NAALAD2: variants seen among roughly 807,000 people sequenced by gnomAD.
NAALAD2 encodes N-acetylated-alpha-linked acidic dipeptidase 2.
Under a neutral mutation model 95.6 loss-of-function variants are expected in NAALAD2, and 89 were observed. The observed-to-expected ratio is 0.93, with a 90% CI of 0.78 to 1.11. The LOEUF is 1.11. Ranked by LOEUF, NAALAD2 falls within the 50% of genes least tolerant of loss-of-function variation. NAALAD2 has a pLI of 0.00. For synonymous variants in NAALAD2, 264 were observed against 294.4 expected (o/e 0.90, Z 1.06); for missense variants, 894 against 872.4 (o/e 1.02, Z -0.31).
At chr11:90,163,088 G>C in intron 9 of NAALAD2, 54 bp downstream of exon 9, 2 of 1,370,896 alleles carry the variant, frequency 1.5e-6, no homozygotes, top group South Asian at 2.7e-5. Flanking sequence ...TAAAGGGTAA[G>C]TAAAGATAAA....
At chr11:90,167,239 G>C (rs982338024) in intron 11 of NAALAD2, among the ~76,000 whole-genome samples, 1 of 152,184 alleles carries the variant, frequency 6.6e-6, no homozygotes. Context: ...GCGGCCCAGC[G>C]AGAGTTCCGG....
At chr11:90,146,949 A>G (rs983257684) in intron 2 of NAALAD2, among the ~76,000 whole-genome samples, 10 of 152,216 alleles carry the variant, frequency 6.6e-5, no homozygotes, top group African/African-American at 2.4e-4. Context: ...GAAGTGCCCA[A>G]GTGGTCCCTG....
At chr11:90,136,228 TGG>T (rs1287656557) in intron 2 of NAALAD2, among the ~76,000 whole-genome samples, 1 of 152,054 alleles carries the variant, frequency 6.6e-6, no homozygotes, top group Non-Finnish European at 1.5e-5. Flanking sequence ...TTAAGAACAA[TGG>T]CCATGGTATT....
At chr11:90,168,441 T>C (rs1245300722) in intron 11 of NAALAD2, among the ~76,000 whole-genome samples, 2 of 152,124 alleles carry the variant, frequency 1.3e-5, no homozygotes, top group Admixed American at 1.3e-4. Context: ...TGGGAGGCCG[T>C]GGTTGCAGTG....
At chr11:90,161,416 T>C (rs78068365) in intron 8 of NAALAD2, among the ~76,000 whole-genome samples, 2,136 of 152,288 alleles carry the variant, frequency 0.014, 55 homozygotes, top group African/African-American at 0.049. Context: ...AATTTTTCCT[T>C]ACAGGATTAT....
chr11:90,177,890 C>G lies in NAALAD2; in HGVS notation c.1631C>G (p.Thr544Arg). The G allele has an allele frequency of 6.2e-7, 1 of 1,613,504 alleles. No homozygotes were observed. The highest frequency in any genetic ancestry group is 2.2e-5 in the East Asian group (1 of 44,792). The stretch of plus-strand genomic sequence containing the variant: ...TACAGCAGCTACCCAGTGTACCACA[C>G]AATTTATGAGACATTTGAATTGGTA... ...DKYSSYPVYH[T>R]IYETFELVEK... The change falls in exon 16 of 19, where the codon ACA (threonine) becomes AGA (arginine). Residue 544 changes from threonine (T) to arginine (R), a missense_variant. Transcript: ENST00000534061.
chr11:90,170,185 G>A (rs368213799), intron 13 of NAALAD2, 49 bp downstream of exon 13: 1 of 1,086,694 alleles, frequency 9.2e-7, no homozygotes, highest in Non-Finnish European at 1.4e-6. Context: ...ATGGATAAAT[G>A]AATAACGTGT....
chr11:90,162,872 A>G, intron 8 of NAALAD2, 77 bp from the exon 9 acceptor site: 2 of 815,428 alleles, frequency 2.5e-6, no homozygotes, highest in South Asian at 3.4e-5. Flanking sequence ...ACTATTATGA[A>G]AATAGTTTTT....
chr11:90,158,476 G>T, intron 7 of NAALAD2: 1 of 395,492 alleles, frequency 2.5e-6, no homozygotes, highest in Non-Finnish European at 4.5e-6. Flanking sequence ...CAAATACAAA[G>T]CTATGTCCTA....
intron 13 of NAALAD2, among the ~76,000 whole-genome samples, chr11:90,173,103 T>A (rs1952687659): frequency 6.6e-6 from 1 of 152,168 alleles, no homozygotes. Flanking sequence ...CACATGTCTC[T>A]GCTCTTCTTA....
rs185324916 is a variant in NAALAD2 at position 90,172,262 on chromosome 11, G to A, written c.1411-1562G>A. Among the ~76,000 whole-genome samples the A allele has an allele frequency of 5.0e-3, 761 of 152,270 alleles. 4 individuals are homozygous for A. The highest frequency in any genetic ancestry group is 0.017 in the African/African-American group (708 of 41,542). ...CTGCCTCATGTTGGTGAGGAAGGGT[G>A]TAGAGTGCCAAGACTTTCTAAGCTG... On this transcript the variant is annotated intron_variant, in intron 13 of 18. Transcript: ENST00000534061.
At chr11:90,181,832 A>G in intron 17 of NAALAD2, 131 bp downstream of exon 17, 3 of 610,618 alleles carry the variant, frequency 4.9e-6, no homozygotes, top group South Asian at 4.6e-5. Context: ...CAAATCAGCA[A>G]TAGCAGTAGT....
chr11:90,178,915 T>C (rs975970135), intron 16 of NAALAD2, among the ~76,000 whole-genome samples: 1 of 152,190 alleles, frequency 6.6e-6, no homozygotes, highest in Non-Finnish European at 1.5e-5. Flanking sequence ...GCATCTCCTA[T>C]ACAGCAAGGA....
chr11:90,161,441 T>C (rs1307510333), intron 8 of NAALAD2, among the ~76,000 whole-genome samples: 1 of 152,222 alleles, frequency 6.6e-6, no homozygotes. Flanking sequence ...ATTTATTTCA[T>C]GAATATTTAT....
In NAALAD2 at chr11:90,147,066, T is replaced by C. The variant is rs527322924; in HGVS notation, c.195-264T>C. Among the ~76,000 whole-genome samples, 4 of 152,290 alleles carry C rather than the reference T, an allele frequency of 2.6e-5. No homozygotes were observed. In the South Asian group the frequency reaches 8.3e-4, roughly 32 times the overall value. On this transcript the variant is annotated intron_variant, in intron 2 of 18. Coordinates refer to ENST00000534061, the MANE Select transcript of NAALAD2 (RefSeq NM_005467.4). Reference sequence around the variant, plus strand: ...AGTATGACATTCTTCCAGGGTGTCATCTCATATCTGAGCCTTTGCTGATTG... The same window carrying C: ...AGTATGACATTCTTCCAGGGTGTCACCTCATATCTGAGCCTTTGCTGATTG...
intron 2 of NAALAD2, among the ~76,000 whole-genome samples, chr11:90,145,673 G>C (rs995196902): frequency 1.3e-5 from 2 of 152,104 alleles, no homozygotes; most frequent in East Asian, 3.9e-4. Context: ...AGTCCTTATG[G>C]ATGATTAATA....
At chr11:90,191,152 G>C (rs1460429881) in intron 18 of NAALAD2, among the ~76,000 whole-genome samples, 1 of 151,986 alleles carries the variant, frequency 6.6e-6, no homozygotes, top group Non-Finnish European at 1.5e-5. Context: ...GGGAACAACT[G>C]TCATTCTTGT....
chr11:90,166,348 T>C (rs1176019077), intron 11 of NAALAD2, among the ~76,000 whole-genome samples: 3 of 152,176 alleles, frequency 2.0e-5, no homozygotes, highest in African/African-American at 7.2e-5. Flanking sequence ...AGAGTCTTAT[T>C]TTTGTCTTAA....
Position 90,173,348 on chromosome 11 carries a change from A to G in NAALAD2, c.1411-476A>G, listed in dbSNP as rs539662797. Among the ~76,000 whole-genome samples, 260 of 152,294 alleles carry G rather than the reference A, an allele frequency of 1.7e-3. 3 individuals carry two copies. Among genetic ancestry groups the G allele is most frequent in the African/African-American group, 6.0e-3 (248 of 41,564 alleles). Reference sequence around the variant, plus strand: ...CCCCTGCCTGCCCTGCAAAACCAAGACTTATAGGTTAAGAAGCTGAGCTTG... The same window carrying G: ...CCCCTGCCTGCCCTGCAAAACCAAGGCTTATAGGTTAAGAAGCTGAGCTTG... On this transcript the variant is annotated intron_variant, in intron 13 of 18. Coordinates refer to ENST00000534061, the MANE Select transcript of NAALAD2 (RefSeq NM_005467.4).
Sources: allele counts gnomAD v4.1 joint callset (sites outside exome capture counted in the v4.1 genomes callset), GRCh38; gene constraint gnomAD v4.1.1; transcripts MANE v1.5; gene names NCBI Gene and HGNC (gene_info 2026-07-23, HGNC 2026-07-21).